The following PLCE1 variants were observed in gnomAD, a reference collection of about 807,000 sequenced individuals.
The protein encoded by PLCE1 is phospholipase C epsilon 1, also known as 1-phosphatidylinositol 4,5-bisphosphate phosphodiesterase epsilon-1.
In PLCE1, 119 loss-of-function variants were observed where a neutral mutation model predicts 242.8. The observed-to-expected ratio is 0.49, with a 90% confidence interval of 0.42 to 0.57. The LOEUF (loss-of-function observed/expected upper bound fraction) is 0.57, where lower values mean the gene tolerates loss of function less well. Among genes scored for constraint, PLCE1 ranks in the 20% least tolerant of loss-of-function variants. The pLI, the probability that PLCE1 is intolerant of heterozygous loss-of-function variation, is 0.00. For missense variants in PLCE1, 2,441 were observed against 2,788.8 expected (o/e 0.88, Z 2.81); for synonymous variants, 945 against 1,017.4 (o/e 0.93, Z 1.35).
intron 2 of PLCE1, chr10:94,099,632 C>A (rs1447448786): frequency 6.6e-6 from 1 of 152,188 alleles, no homozygotes; most frequent in African/African-American, 2.4e-5. Flanking sequence ...CAACAGATAA[C>A]AAATGCTCAA....
At chr10:94,123,711 A>G (rs2135801567) in intron 2 of PLCE1, among the ~76,000 whole-genome samples, 1 of 152,324 alleles carries the variant, frequency 6.6e-6, no homozygotes, top group Admixed American at 6.5e-5. Context: ...AGTATCTTCA[A>G]CCTTTTAGAA....
intron 4 of PLCE1, among the ~76,000 whole-genome samples, chr10:94,187,774 T>A (rs2048529529): frequency 6.6e-6 from 1 of 152,200 alleles, no homozygotes; most frequent in South Asian, 2.1e-4. Context: ...TCAGATTCCA[T>A]AAGCCTCACG....
intron 5 of PLCE1, among the ~76,000 whole-genome samples, chr10:94,232,340 T>TA (rs1258648915): frequency 2.6e-5 from 4 of 152,242 alleles, no homozygotes; most frequent in Admixed American, 1.3e-4. Flanking sequence ...TTCCCTTCCT[T>TA]ACGTTTCACA....
At chr10:94,115,013 C>CAG (rs2046077846) in intron 2 of PLCE1, among the ~76,000 whole-genome samples, 1 of 151,220 alleles carries the variant, frequency 6.6e-6, no homozygotes, top group Non-Finnish European at 1.5e-5. Flanking sequence ...TGAGAACATG[C>CAG]GATGTTTGGT....
chr10:94,053,081 T>C (rs2043807628), intron 2 of PLCE1, among the ~76,000 whole-genome samples: 1 of 152,208 alleles, frequency 6.6e-6, no homozygotes, highest in Non-Finnish European at 1.5e-5. Context: ...CTTTGAGTTT[T>C]CATAAGAGTG....
At chr10:94,272,083 A>C (rs1408382481) in intron 18 of PLCE1, among the ~76,000 whole-genome samples, 1 of 152,120 alleles carries the variant, frequency 6.6e-6, no homozygotes, top group Non-Finnish European at 1.5e-5. Flanking sequence ...AAACATATTA[A>C]CAGAAAACAG....
intron 2 of PLCE1, among the ~76,000 whole-genome samples, chr10:94,046,932 C>T (rs1158394398): frequency 6.6e-6 from 1 of 152,176 alleles, no homozygotes; most frequent in Non-Finnish European, 1.5e-5. Context: ...GCATTTAGAA[C>T]AGTAGCTGGC....
At chr10:94,124,585 T>C (rs988552146) in intron 2 of PLCE1, among the ~76,000 whole-genome samples, 18 of 152,150 alleles carry the variant, frequency 1.2e-4, no homozygotes, top group African/African-American at 4.1e-4. Flanking sequence ...CAGTACAGAC[T>C]GTGGGTCTCT....
intron 2 of PLCE1, among the ~76,000 whole-genome samples, chr10:94,086,168 G>A (rs1484728821): frequency 6.6e-6 from 1 of 152,094 alleles, no homozygotes; most frequent in Non-Finnish European, 1.5e-5. Flanking sequence ...TTTGTCTTTT[G>A]GAATCTCTTT....
intron 2 of PLCE1, among the ~76,000 whole-genome samples, chr10:94,054,976 C>A (rs144239050): frequency 0.011 from 1,643 of 144,740 alleles, 34 homozygotes; most frequent in African/African-American, 0.04. Context: ...CGGGCCACTG[C>A]ACTCCAGCCT....
intron 9 of PLCE1, 105 bp downstream of exon 9, chr10:94,252,603 C>A: frequency 1.0e-6 from 1 of 984,832 alleles, no homozygotes. Context: ...AGGACAAAGT[C>A]AGGTATAAAA....
intron 1 of PLCE1, among the ~76,000 whole-genome samples, chr10:94,022,806 A>G (rs1039895913): frequency 1.3e-5 from 2 of 152,150 alleles, no homozygotes; most frequent in South Asian, 2.1e-4. Context: ...GAAGGAAGTC[A>G]GTTTCAGAGA....
intron 2 of PLCE1, among the ~76,000 whole-genome samples, chr10:94,033,411 T>C (rs937213116): frequency 7.2e-5 from 11 of 152,186 alleles, no homozygotes; most frequent in Admixed American, 7.2e-4. Context: ...TAAATATCAA[T>C]AACATTTTAG....
intron 1 of PLCE1, among the ~76,000 whole-genome samples, chr10:94,025,463 A>C (rs1024345111): frequency 6.6e-6 from 1 of 152,186 alleles, no homozygotes; most frequent in Non-Finnish European, 1.5e-5. Context: ...TAGATAATAC[A>C]TGCTCAGTAT....
At chr10:94,147,162 C>G (rs2047139236) in intron 3 of PLCE1, among the ~76,000 whole-genome samples, 1 of 152,038 alleles carries the variant, frequency 6.6e-6, no homozygotes, top group South Asian at 2.1e-4. Context: ...TGGCTTATGC[C>G]TGTAATACCA....
At chr10:94,040,808 G>C (rs1366780943) in intron 2 of PLCE1, among the ~76,000 whole-genome samples, 1 of 151,982 alleles carries the variant, frequency 6.6e-6, no homozygotes. Context: ...AGTGGCTTCT[G>C]CATTTTTAAA....
At chr10:94,187,201 C>A (rs1274826267) in intron 4 of PLCE1, among the ~76,000 whole-genome samples, 3 of 147,444 alleles carry the variant, frequency 2.0e-5, no homozygotes, top group Non-Finnish European at 4.5e-5. Flanking sequence ...CACATTACTG[C>A]ATCTAGTTGC....
At position 94,271,619 on chromosome 10, in the gene PLCE1, G is replaced by C. The variant is rs1164946343; in HGVS notation, c.4506+1017G>C. ...GTGAGGCACCGCACCCAGCCAAGAA[G>C]ATCTTCTTATACCACAGTACAAAGA... On this transcript the variant is annotated intron_variant, in intron 18 of 32. Coordinates refer to ENST00000371380, the MANE Select transcript of PLCE1 (RefSeq NM_016341.4). Among the ~76,000 whole-genome samples the C allele has an allele frequency of 5.3e-5, 8 of 152,134 alleles. No homozygotes were observed. In the East Asian group the frequency reaches 1.6e-3, roughly 29 times the overall value.
chr10:94,060,151 G>A (rs2044008945), intron 2 of PLCE1, among the ~76,000 whole-genome samples: 1 of 151,970 alleles, frequency 6.6e-6, no homozygotes, highest in South Asian at 2.1e-4. Flanking sequence ...ATTAAGGCTT[G>A]CTACATGCTG....
Sources: allele counts gnomAD v4.1 joint callset (sites outside exome capture counted in the v4.1 genomes callset), GRCh38; gene constraint gnomAD v4.1.1; transcripts MANE v1.5; gene names NCBI Gene and HGNC (gene_info 2026-07-23, HGNC 2026-07-21).